The following ANO10 variants were observed in gnomAD, a reference collection of about 807,000 sequenced individuals.
ANO10 encodes the protein anoctamin-10.
A neutral mutation model predicts 74.7 loss-of-function variants in ANO10; 77 were observed. That is an observed-to-expected ratio of 1.03 (90% CI 0.86 to 1.25). ANO10 has a LOEUF of 1.25. Ranked by LOEUF, ANO10 falls within the 50% of genes most tolerant of loss-of-function variation. The pLI is 0.00. For synonymous variants in ANO10, 279 were observed against 284.9 expected, an observed-to-expected ratio of 0.98 and a Z score of 0.21; for missense variants, 721 against 778.1, an observed-to-expected ratio of 0.93 and a Z score of 0.87.
At chr3:43,667,072 GTTTTTTTTTT>G (rs55764466) in intron 1 of ANO10, among the ~76,000 whole-genome samples, 2 of 56,124 alleles carry the variant, frequency 3.6e-5, no homozygotes, top group Non-Finnish European at 6.3e-5. Context: ...TACAATGCAT[GTTTTTTTTTT>G]TTTTTTTTTT....
In ANO10 at chr3:43,549,864, A is replaced by G. The variant is rs2079380266; in HGVS notation, c.1669-16T>C. On this transcript the variant is annotated splice_polypyrimidine_tract_variant and intron_variant, in intron 10 of 12. Transcript: ENST00000292246. The stretch of plus-strand genomic sequence containing the variant: ...CAAAAGCCAACTAAAAGAAAAAAGA[A>G]TGGAAATTAAAAATTGCAATGACTG... The G allele has an allele frequency of 6.2e-7, 1 of 1,613,540 alleles. No individual in the cohort carries two copies. Among genetic ancestry groups the G allele is most frequent in the Non-Finnish European group, 8.5e-7 (1 of 1,179,622 alleles).
At chr3:43,430,796 A>ACCGT (rs1209332433) in intron 12 of ANO10, among the ~76,000 whole-genome samples, 9 of 152,118 alleles carry the variant, frequency 5.9e-5, no homozygotes, top group African/African-American at 2.2e-4. Context: ...GATATATTTG[A>ACCGT]ATTGGTATTG....
At chr3:43,433,554 A>C (rs905687339) in intron 11 of ANO10, among the ~76,000 whole-genome samples, 1 of 152,188 alleles carries the variant, frequency 6.6e-6, no homozygotes, top group African/African-American at 2.4e-5. Flanking sequence ...AATGATTGTA[A>C]CTTTATGCTG....
At chr3:43,367,067 G>A (rs1004150292) in intron 12 of ANO10, 93 bp from the exon 13 acceptor site, 2 of 1,253,504 alleles carry the variant, frequency 1.6e-6, no homozygotes, top group Non-Finnish European at 2.3e-6. Context: ...CAGCGGCTTT[G>A]ACCCCAGGGA....
chr3:43,454,636 A>T (rs1034638286), intron 11 of ANO10, among the ~76,000 whole-genome samples: 3 of 152,068 alleles, frequency 2.0e-5, no homozygotes, highest in Non-Finnish European at 4.4e-5. Context: ...TGATGTAGGG[A>T]CCTGAAAATC....
intron 11 of ANO10, among the ~76,000 whole-genome samples, chr3:43,488,448 A>G (rs1322812392): frequency 1.3e-5 from 2 of 150,506 alleles, no homozygotes; most frequent in East Asian, 3.9e-4. Context: ...TCCAGAATCT[A>G]CAATGAACTC....
At chr3:43,503,959 T>C (rs556466094) in intron 11 of ANO10, among the ~76,000 whole-genome samples, 1 of 152,216 alleles carries the variant, frequency 6.6e-6, no homozygotes, top group East Asian at 1.9e-4. Flanking sequence ...TATAACACCT[T>C]GTTATATAAA....
chr3:43,565,987 G>A (rs1451431928), intron 7 of ANO10, among the ~76,000 whole-genome samples: 7 of 152,156 alleles, frequency 4.6e-5, no homozygotes, highest in Admixed American at 4.6e-4. Context: ...CGCACCGTGT[G>A]CGAGCCGAAG....
intron 11 of ANO10, among the ~76,000 whole-genome samples, chr3:43,505,713 G>A (rs1189392616): frequency 6.6e-6 from 1 of 152,188 alleles, no homozygotes; most frequent in Non-Finnish European, 1.5e-5. Context: ...ATGAAAAACT[G>A]TCAGCCAGTG....
chr3:43,533,710 C>T (rs1003187755), intron 11 of ANO10, among the ~76,000 whole-genome samples: 4 of 152,162 alleles, frequency 2.6e-5, no homozygotes, highest in African/African-American at 9.7e-5. Context: ...AATAAGCACA[C>T]CAATCATTGT....
intron 12 of ANO10, among the ~76,000 whole-genome samples, chr3:43,371,275 G>A (rs555482579): frequency 3.9e-5 from 6 of 152,234 alleles, no homozygotes; most frequent in Non-Finnish European, 5.9e-5. Flanking sequence ...TGGCCTCACC[G>A]TCCATGTCCT....
At chr3:43,672,926 C>T (rs1007673624) in intron 1 of ANO10, among the ~76,000 whole-genome samples, 1 of 152,160 alleles carries the variant, frequency 6.6e-6, no homozygotes, top group Admixed American at 6.5e-5. Flanking sequence ...ATATCCAGCT[C>T]AAGAAATTCC....
chr3:43,657,338 T>A (rs1351695836), intron 1 of ANO10, among the ~76,000 whole-genome samples: 1 of 152,216 alleles, frequency 6.6e-6, no homozygotes, highest in African/African-American at 2.4e-5. Flanking sequence ...AGCAGAGGCT[T>A]CAATTTCCAT....
At chr3:43,526,982 CAT>C (rs781324141) in intron 11 of ANO10, among the ~76,000 whole-genome samples, 79 of 151,598 alleles carry the variant, frequency 5.2e-4, no homozygotes, top group African/African-American at 1.8e-3. Context: ...TACACACACA[CAT>C]ATGGTACATA....
At chr3:43,559,770 A>T (rs979820922) in intron 9 of ANO10, among the ~76,000 whole-genome samples, 8 of 152,166 alleles carry the variant, frequency 5.3e-5, no homozygotes, top group African/African-American at 1.7e-4. Flanking sequence ...ACATAATGGG[A>T]ACTTTTATCC....
intron 11 of ANO10, among the ~76,000 whole-genome samples, chr3:43,532,110 G>A (rs1286692762): frequency 6.6e-6 from 1 of 152,172 alleles, no homozygotes; most frequent in East Asian, 1.9e-4. Context: ...CAAGCAGCTA[G>A]GATGAAAGTC....
intron 12 of ANO10, among the ~76,000 whole-genome samples, chr3:43,383,362 G>A (rs1388330133): frequency 6.6e-6 from 1 of 151,050 alleles, no homozygotes; most frequent in Non-Finnish European, 1.5e-5. Context: ...GCTGACACAG[G>A]AGAATGGCGT....
chr3:43,470,857 A>T (rs1197287975), intron 11 of ANO10, among the ~76,000 whole-genome samples: 2 of 151,954 alleles, frequency 1.3e-5, no homozygotes, highest in African/African-American at 4.8e-5. Flanking sequence ...AAGCTCCTGA[A>T]CTCAAATGAT....
intron 11 of ANO10, among the ~76,000 whole-genome samples, chr3:43,481,189 G>A (rs1396842006): frequency 6.6e-6 from 1 of 152,046 alleles, no homozygotes; most frequent in African/African-American, 2.4e-5. Flanking sequence ...TATACTCTAG[G>A]AAATTGGGAA....
Sources: allele counts gnomAD v4.1 joint callset (sites outside exome capture counted in the v4.1 genomes callset), GRCh38; gene constraint gnomAD v4.1.1; transcripts MANE v1.5; gene names NCBI Gene and HGNC (gene_info 2026-07-23, HGNC 2026-07-21).